Variants in CCNY observed in about 807,000 individuals in gnomAD.
The protein encoded by CCNY is cyclin-Y.
CCNY carries 19 observed loss-of-function variants against 42.8 expected under a neutral mutation model. The ratio of observed to expected loss-of-function variants is 0.44; its 90% CI spans 0.31 to 0.65. The LOEUF (loss-of-function observed/expected upper bound fraction) is 0.65, where lower values mean the gene tolerates loss of function less well. Among genes scored for constraint, CCNY ranks in the 30% least tolerant of loss-of-function variants. CCNY has a pLI of 0.07. For missense variants in CCNY, 370 were observed against 437.3 expected (o/e 0.85, Z 1.37); for synonymous variants, 165 against 162.7 (o/e 1.01, Z -0.11).
rs1448079461 is a variant in CCNY at position 35,428,346 on chromosome 10, T to G, written c.155-55058T>G. On this transcript the variant is annotated intron_variant, in intron 1 of 9. Coordinates refer to ENST00000374704, the MANE Select transcript of CCNY (RefSeq NM_145012.6). The stretch of plus-strand genomic sequence containing the variant: ...ATTGAGCTGAGACCTGAAGGGTGGT[T>G]GGGTGTATAGTGGTGGTAGGGGGTG... Among the ~76,000 whole-genome samples, 3 of 152,004 alleles carry G rather than the reference T, an allele frequency of 2.0e-5. 1 individual carries two copies. The highest frequency in any genetic ancestry group is 7.3e-5 in the African/African-American group (3 of 41,368).
At chr10:35,476,169 C>T (rs1839504714) in intron 1 of CCNY, among the ~76,000 whole-genome samples, 1 of 152,138 alleles carries the variant, frequency 6.6e-6, no homozygotes, top group African/African-American at 2.4e-5. Flanking sequence ...GACTTAGACT[C>T]CCACACATTA....
chr10:35,516,741 TGTG>T, intron 4 of CCNY, 118 bp downstream of exon 4: 1 of 653,878 alleles, frequency 1.5e-6, no homozygotes, highest in Non-Finnish European at 2.5e-6. Flanking sequence ...GCTGGTTGGT[TGTG>T]GGGTCTGGGA....
intron 3 of CCNY, among the ~76,000 whole-genome samples, chr10:35,277,575 C>T (rs1281880356): frequency 1.3e-5 from 2 of 152,188 alleles, no homozygotes; most frequent in African/African-American, 4.8e-5. Flanking sequence ...CTGGTGATAA[C>T]CAACTGTCCT....
chr10:35,554,912 G>A (rs1284644684), intron 8 of CCNY, among the ~76,000 whole-genome samples: 4 of 152,220 alleles, frequency 2.6e-5, no homozygotes, highest in Non-Finnish European at 5.9e-5. Flanking sequence ...TGGAGGAGAT[G>A]CCTTTTGTAC....
intron 3 of CCNY, among the ~76,000 whole-genome samples, chr10:35,511,157 A>AC (rs1197389952): frequency 6.6e-6 from 1 of 152,174 alleles, no homozygotes; most frequent in East Asian, 1.9e-4. Context: ...GGTCTCCCTC[A>AC]CAGAGGATCC....
intron 7 of CCNY, among the ~76,000 whole-genome samples, chr10:35,537,920 G>A (rs890789592): frequency 2.0e-4 from 30 of 152,140 alleles, no homozygotes; most frequent in Admixed American, 1.6e-3. Context: ...GGAATGATAC[G>A]GTTTGGCTGT....
At chr10:35,361,559 A>T (rs1476133587) in intron 1 of CCNY, among the ~76,000 whole-genome samples, 1 of 152,208 alleles carries the variant, frequency 6.6e-6, no homozygotes, top group Non-Finnish European at 1.5e-5. Context: ...GAGACAAAGG[A>T]ATGAAACTTT....
intron 1 of CCNY, among the ~76,000 whole-genome samples, chr10:35,384,767 C>G (rs1837267731): frequency 6.6e-6 from 1 of 152,118 alleles, no homozygotes; most frequent in African/African-American, 2.4e-5. Context: ...CCCCTGGGAC[C>G]CTTTCAGTTT....
intron 1 of CCNY, among the ~76,000 whole-genome samples, chr10:35,470,242 GAGAC>G (rs1000984829): frequency 2.0e-5 from 3 of 151,994 alleles, no homozygotes; most frequent in Admixed American, 1.3e-4. Flanking sequence ...GGGAGATGGA[GAGAC>G]AGACAGGGCG....
At chr10:35,474,393 C>T (rs559407600) in intron 1 of CCNY, among the ~76,000 whole-genome samples, 4 of 152,348 alleles carry the variant, frequency 2.6e-5, no homozygotes, top group African/African-American at 9.6e-5. Context: ...ACTTAAATGT[C>T]CCTGTCTGAC....
rs375174474 is a variant in CCNY at position 35,258,867 on chromosome 10, C to T, written c.-9+8241C>T. Among the ~76,000 whole-genome samples the T allele has an allele frequency of 1.5e-4, 22 of 148,540 alleles. 1 individual carries two copies. The highest frequency in any genetic ancestry group is 5.2e-4 in the African/African-American group (21 of 40,072). ...CAGGAGAATGATTGAACCTGGGAGG[C>T]GGAGTTTGCAGTGAGCCGAGATCGA... On this transcript the variant is annotated intron_variant, in intron 3 of 11. Coordinates refer to the CCNY transcript ENST00000374706.
At chr10:35,519,471 TGTGA>T (rs771888895) in intron 4 of CCNY, among the ~76,000 whole-genome samples, 2 of 152,212 alleles carry the variant, frequency 1.3e-5, no homozygotes, top group African/African-American at 4.8e-5. Context: ...TGAGGCATAC[TGTGA>T]GTATCTGGAT....
chr10:35,253,363 C>G (rs1162948424), intron 3 of CCNY, among the ~76,000 whole-genome samples: 1 of 151,772 alleles, frequency 6.6e-6, no homozygotes, highest in Admixed American at 6.6e-5. Flanking sequence ...GAGCCTCCTA[C>G]CCTAGCCTCC....
intron 3 of CCNY, among the ~76,000 whole-genome samples, chr10:35,279,024 G>C (rs918248182): frequency 1.3e-5 from 2 of 151,932 alleles, no homozygotes; most frequent in East Asian, 1.9e-4. Context: ...TGGGGGCTCA[G>C]TGCGGCTCTC....
chr10:35,461,221 A>G (rs940559194), intron 1 of CCNY, among the ~76,000 whole-genome samples: 2 of 152,180 alleles, frequency 1.3e-5, no homozygotes, highest in African/African-American at 2.4e-5. Flanking sequence ...CAGTAAGGCA[A>G]ACTTGACTAA....
intron 1 of CCNY, among the ~76,000 whole-genome samples, chr10:35,392,638 C>G (rs575056359): frequency 6.6e-6 from 1 of 152,014 alleles, no homozygotes; most frequent in African/African-American, 2.4e-5. Flanking sequence ...TTTAGGTGAC[C>G]CCACTGGTTG....
rs552220822 is a variant in CCNY at position 35,293,118 on chromosome 10, C to A, written c.-9+42492C>A. Among the ~76,000 whole-genome samples the A allele has an allele frequency of 2.6e-5, 4 of 152,206 alleles. No individual in the cohort carries two copies. The East Asian group carries it at 7.7e-4, about 29-fold the overall frequency. On this transcript the variant is annotated intron_variant, in intron 3 of 11. Transcript: ENST00000374706. ...GAGTTTTATAGTTTTAGCTCTTACC[C>A]GTAAGTCCTTAATCTATTTGGGTTT...
At chr10:35,499,609 T>G (rs950330836) in intron 2 of CCNY, among the ~76,000 whole-genome samples, 2 of 152,206 alleles carry the variant, frequency 1.3e-5, no homozygotes, top group Non-Finnish European at 2.9e-5. Context: ...GTGCTGGTAT[T>G]TTTTGAGGCA....
At chr10:35,266,362 A>G (rs2095725374) in intron 3 of CCNY, among the ~76,000 whole-genome samples, 1 of 151,508 alleles carries the variant, frequency 6.6e-6, no homozygotes, top group African/African-American at 2.4e-5. Flanking sequence ...GGCCTCCCAA[A>G]GTGCTGGAAT....
Sources: gnomAD v4.1 joint callset for allele counts (sites outside exome capture counted in the v4.1 genomes callset) on GRCh38, gnomAD v4.1.1 for gene constraint, MANE v1.5 for transcripts, NCBI Gene and HGNC (gene_info 2026-07-23, HGNC 2026-07-21) for gene names.